The following NRXN1 variants were observed in gnomAD, a reference collection of about 807,000 sequenced individuals.
NRXN1 encodes the protein neurexin 1, also known as neurexin-1.
In NRXN1, 39 loss-of-function variants were observed where a neutral mutation model predicts 150.9. That is an observed-to-expected ratio of 0.26 (90% CI 0.20 to 0.34). The LOEUF is 0.34. Ranked by LOEUF, NRXN1 falls within the 10% of genes least tolerant of loss-of-function variation. The pLI, the probability that NRXN1 is intolerant of heterozygous loss-of-function variation, is 1.00. For missense variants in NRXN1, 1,815 were observed against 1,949.9 expected (o/e 0.93, Z 1.30); for synonymous variants, 924 against 757.0 (o/e 1.22, Z -3.62).
intron 18 of NRXN1, among the ~76,000 whole-genome samples, chr2:50,214,692 G>C (rs1252028838): frequency 6.6e-6 from 1 of 151,910 alleles, no homozygotes; most frequent in Non-Finnish European, 1.5e-5. Flanking sequence ...TTTCTCTCTA[G>C]ATTTCATGCA....
At chr2:50,752,391 G>A (rs1302452487) in intron 5 of NRXN1, among the ~76,000 whole-genome samples, 1 of 151,878 alleles carries the variant, frequency 6.6e-6, no homozygotes, top group East Asian at 1.9e-4. Context: ...TGTGCTCATT[G>A]AGAAAAATGA....
chr2:50,117,844 A>G (rs11901625), intron 18 of NRXN1, among the ~76,000 whole-genome samples: 49,355 of 151,656 alleles, frequency 0.33, 8,518 homozygotes, highest in Admixed American at 0.42. Context: ...TAGATTCACT[A>G]GCATTTCTAG....
At chr2:50,137,204 T>A (rs1706549180) in intron 18 of NRXN1, among the ~76,000 whole-genome samples, 1 of 152,080 alleles carries the variant, frequency 6.6e-6, no homozygotes. Context: ...ACATATAATA[T>A]ATAAAAATAT....
chr2:50,610,638 GATACATATATATATATATAT>G (rs1396101126), intron 8 of NRXN1, among the ~76,000 whole-genome samples: 1 of 29,552 alleles, frequency 3.4e-5, no homozygotes, highest in Non-Finnish European at 6.9e-5. Flanking sequence ...ACTATAAATA[GATACATATATATATATATAT>G]ATATATATAT....
Position 50,932,604 on chromosome 2 carries a change from A to T in NRXN1, c.773-6649T>A, listed in dbSNP as rs1480905786. ...GGAAAGGGCAGGAGAGGAGTAAGGG[A>T]TACAAGATACACATTAGGTACAGTG... On this transcript the variant is annotated intron_variant, in intron 2 of 22. Transcript: ENST00000401669. 3.3e-5 allele frequency among the ~76,000 whole-genome samples: 5 copies of T among 152,204 alleles called. No individual in the cohort carries two copies. In the East Asian group the frequency reaches 9.7e-4, roughly 30 times the overall value.
At chr2:50,398,362 C>T (rs768267285) in intron 17 of NRXN1, among the ~76,000 whole-genome samples, 1 of 151,858 alleles carries the variant, frequency 6.6e-6, no homozygotes, top group Non-Finnish European at 1.5e-5. Context: ...CTGGTAAAGT[C>T]GAGTAACTAA....
chr2:50,764,277 A>G (rs1303221133), intron 5 of NRXN1, among the ~76,000 whole-genome samples: 2 of 151,998 alleles, frequency 1.3e-5, no homozygotes, highest in Non-Finnish European at 2.9e-5. Flanking sequence ...GGGGCATGAC[A>G]TAAAGCAAAT....
intron 5 of NRXN1, among the ~76,000 whole-genome samples, chr2:50,660,026 A>G (rs1309724657): frequency 2.6e-5 from 4 of 152,050 alleles, no homozygotes; most frequent in Non-Finnish European, 5.9e-5. Flanking sequence ...CCCAACATCT[A>G]GAACAGTGCT....
At position 50,880,499 on chromosome 2, in the gene NRXN1, A is replaced by G. The variant is rs1171295784; in HGVS notation, c.832+41370T>C. 5.9e-5 allele frequency among the ~76,000 whole-genome samples: 9 copies of G among 152,156 alleles called. No homozygotes were observed. The East Asian group carries it at 1.8e-3, about 30-fold the overall frequency. On this transcript the variant is annotated intron_variant, in intron 5 of 22. Coordinates refer to ENST00000401669, the MANE Select transcript of NRXN1 (RefSeq NM_001330078.2). Reference sequence around the variant, plus strand: ...ATTAACCACTGTGTCTCCCACAGATAGAACAATGCCTATGATACTCACTCA... The same window carrying G: ...ATTAACCACTGTGTCTCCCACAGATGGAACAATGCCTATGATACTCACTCA...
intron 18 of NRXN1, among the ~76,000 whole-genome samples, chr2:50,171,062 T>C (rs1161185633): frequency 6.6e-6 from 1 of 152,134 alleles, no homozygotes; most frequent in Non-Finnish European, 1.5e-5. Flanking sequence ...TTGACTTCAT[T>C]AGGTGGAAAT....
chr2:50,289,727 A>G (rs1473919949), intron 17 of NRXN1, among the ~76,000 whole-genome samples: 2 of 152,122 alleles, frequency 1.3e-5, no homozygotes, highest in South Asian at 2.1e-4. Context: ...TAATTTATAA[A>G]TAGATTTGTG....
intron 17 of NRXN1, among the ~76,000 whole-genome samples, chr2:50,326,908 T>C (rs7556697): frequency 0.38 from 58,059 of 151,928 alleles, 12,480 homozygotes; most frequent in African/African-American, 0.58. Context: ...AAACTGACAA[T>C]ACTAAGTGTA....
At chr2:50,677,033 T>C (rs1240372979) in intron 5 of NRXN1, among the ~76,000 whole-genome samples, 1 of 152,072 alleles carries the variant, frequency 6.6e-6, no homozygotes, top group African/African-American at 2.4e-5. Flanking sequence ...TCTACCATTG[T>C]TCTCATCCTA....
chr2:50,382,646 C>T (rs1018861028), intron 17 of NRXN1, among the ~76,000 whole-genome samples: 18 of 152,060 alleles, frequency 1.2e-4, no homozygotes, highest in African/African-American at 4.3e-4. Flanking sequence ...ATTATTTCTC[C>T]CTAGATAGAG....
At chr2:49,955,794 G>A (rs1453609513) in intron 21 of NRXN1, among the ~76,000 whole-genome samples, 1 of 151,832 alleles carries the variant, frequency 6.6e-6, no homozygotes, top group Non-Finnish European at 1.5e-5. Context: ...TCCTGAAAGA[G>A]GCCAGCCATA....
intron 21 of NRXN1, chr2:50,019,273 A>C (rs1045107509): frequency 2.1e-6 from 1 of 471,364 alleles, no homozygotes; most frequent in Non-Finnish European, 4.4e-6. Context: ...GTTCTCCATA[A>C]GTTTGAAAGC....
intron 17 of NRXN1, among the ~76,000 whole-genome samples, chr2:50,422,411 T>C (rs80326792): frequency 0.013 from 2,018 of 152,206 alleles, 47 homozygotes; most frequent in African/African-American, 0.046. Context: ...TGAAAATAAA[T>C]AAAAATAAAA....
intron 5 of NRXN1, among the ~76,000 whole-genome samples, chr2:50,904,631 A>G (rs1037471939): frequency 5.3e-5 from 8 of 152,104 alleles, no homozygotes; most frequent in African/African-American, 1.9e-4. Context: ...TTCTCCATCC[A>G]TGAAACAACC....
chr2:49,988,430 T>C (rs1681315153), intron 21 of NRXN1, among the ~76,000 whole-genome samples: 1 of 152,060 alleles, frequency 6.6e-6, no homozygotes, highest in Admixed American at 6.6e-5. Flanking sequence ...GAGTTGACTC[T>C]TCCTTTTTCA....
Sources: gnomAD v4.1 joint callset for allele counts (sites outside exome capture counted in the v4.1 genomes callset) on GRCh38, gnomAD v4.1.1 for gene constraint, MANE v1.5 for transcripts, NCBI Gene and HGNC (gene_info 2026-07-23, HGNC 2026-07-21) for gene names.